INCENP: variants seen among roughly 807,000 people sequenced by gnomAD.
The protein encoded by INCENP is binds and activates aurora-B and -C in vivo and in vitro.
A neutral mutation model predicts 107.3 loss-of-function variants in INCENP; 43 were observed. That is an observed-to-expected ratio of 0.40 (90% CI 0.31 to 0.52). The LOEUF (loss-of-function observed/expected upper bound fraction) is 0.52. Ranked by LOEUF, INCENP falls within the 20% of genes least tolerant of loss-of-function variation. The pLI, the probability that INCENP is intolerant of heterozygous loss-of-function variation, is 0.53. For missense variants in INCENP, 1,089 were observed against 1,250.9 expected, an observed-to-expected ratio of 0.87 and a Z score of 1.95; for synonymous variants, 488 against 494.4, an observed-to-expected ratio of 0.99 and a Z score of 0.17.
At chr11:62,124,697 G>A (rs912318813) in intron 1 of INCENP, among the ~76,000 whole-genome samples, 2 of 152,212 alleles carry the variant, frequency 1.3e-5, no homozygotes, top group Non-Finnish European at 2.9e-5. Flanking sequence ...CTGGGCACCT[G>A]CCTTTCAGAA....
rs1943843194 is a variant in INCENP at position 62,129,915 on chromosome 11, G to A, written c.388G>A (p.Ala130Thr). 3.7e-6 allele frequency: 6 copies of A among 1,613,194 alleles called. No individual in the cohort carries two copies. Among genetic ancestry groups the A allele is most frequent in the Non-Finnish European group, 5.1e-6 (6 of 1,179,994 alleles). ...VLRRVTRAAA[A>T]AAAATMALAA... Reference sequence around the variant, plus strand: ...GCGGCGTGTGACCCGTGCTGCGGCTGCAGCTGCCGCGGCTACCATGGCATT... The same window carrying A: ...GCGGCGTGTGACCCGTGCTGCGGCTACAGCTGCCGCGGCTACCATGGCATT... Residue 130 changes from alanine (A) to threonine (T), a missense_variant, in exon 4 of 19, where the codon GCA becomes ACA. Coordinates refer to ENST00000394818, the MANE Select transcript of INCENP (RefSeq NM_001040694.2).
At chr11:62,150,692 C>G (rs1944354707) in intron 18 of INCENP, among the ~76,000 whole-genome samples, 1 of 152,206 alleles carries the variant, frequency 6.6e-6, no homozygotes, top group Admixed American at 6.5e-5. Flanking sequence ...TGAGCAGGAT[C>G]TGACCTGGAG....
chr11:62,137,920 C>T, intron 5 of INCENP, 37 bp downstream of exon 5: 1 of 1,577,020 alleles, frequency 6.3e-7, no homozygotes, highest in South Asian at 1.1e-5. Context: ...GTAGGCAGGG[C>T]ATACCAGGAC....
chr11:62,133,376 G>A (rs1012513939), intron 4 of INCENP, among the ~76,000 whole-genome samples: 5 of 152,198 alleles, frequency 3.3e-5, no homozygotes, highest in African/African-American at 1.2e-4. Context: ...GTGTGGCCCC[G>A]GGGCGTGGAA....
rs769445442 is a variant in INCENP at position 62,129,782 on chromosome 11, G to T, written c.255G>T (p.Arg85Ser). ...QDENRDPIRR[R>S]LSRRKSRSSQ... ...GCCTCTGCCCTGCTGCCCCTGCCAG[G>T]TTATCCCGCAGAAAGTCTCGGAGCA... Residue 85 changes from arginine to serine, a missense_variant and splice_region_variant, in exon 4 of 19, where the codon AGG becomes AGT. Physicochemically the swap from Arg to Ser is moderately radical, Grantham distance 110. Coordinates refer to ENST00000394818, the MANE Select transcript of INCENP (RefSeq NM_001040694.2). 19 of 1,601,872 alleles carry T rather than the reference G, an allele frequency of 1.2e-5. No homozygotes were observed. In the Admixed American group the frequency reaches 3.0e-4, roughly 25 times the overall value.
intron 7 of INCENP, 105 bp from the exon 8 acceptor site, chr11:62,140,129 C>A: frequency 2.1e-6 from 2 of 934,418 alleles, no homozygotes; most frequent in Non-Finnish European, 3.5e-6. Flanking sequence ...GGAGCCTTGC[C>A]CACTGCCAAG....
chr11:62,133,007 C>T (rs910826812), intron 4 of INCENP, among the ~76,000 whole-genome samples: 1 of 152,066 alleles, frequency 6.6e-6, no homozygotes, highest in South Asian at 2.1e-4. Flanking sequence ...GAAAACTCAC[C>T]AATGGCTGAT....
intron 4 of INCENP, 51 bp downstream of exon 4, chr11:62,130,641 A>T (rs758967234): frequency 6.6e-7 from 1 of 1,512,096 alleles, no homozygotes; most frequent in African/African-American, 1.4e-5. Flanking sequence ...CCAGGCTCAG[A>T]TGGAGGCTTT....
chr11:62,138,023 C>T (rs1944028878), intron 5 of INCENP, 140 bp downstream of exon 5: 1 of 752,930 alleles, frequency 1.3e-6, no homozygotes, highest in Non-Finnish European at 2.3e-6. Flanking sequence ...CCCGTTTTCC[C>T]TGTCTGACCA....
intron 1 of INCENP, among the ~76,000 whole-genome samples, chr11:62,125,658 T>C (rs1443795720): frequency 1.3e-5 from 2 of 152,228 alleles, no homozygotes; most frequent in Non-Finnish European, 2.9e-5. Flanking sequence ...CCTGTGCAGA[T>C]TAAGTTTATT....
At chr11:62,137,707 G>T (rs950768612) in intron 4 of INCENP, 125 bp from the exon 5 acceptor site, 24 of 809,122 alleles carry the variant, frequency 3.0e-5, no homozygotes, top group Non-Finnish European at 5.2e-5. Context: ...GGCATGGTGG[G>T]GGCTCCACGG....
intron 3 of INCENP, 38 bp downstream of exon 3, chr11:62,128,921 C>A: frequency 7.4e-7 from 1 of 1,350,008 alleles, no homozygotes; most frequent in Non-Finnish European, 1.1e-6. Context: ...GAGCAGTGGG[C>A]TCTGCGGAGG....
Position 62,127,946 on chromosome 11 carries a change from G to C in INCENP, c.-11-205G>C, listed in dbSNP as rs561790743. Among the ~76,000 whole-genome samples the C allele has an allele frequency of 2.7e-5, 4 of 146,720 alleles. No homozygotes were observed. The East Asian group carries it at 6.6e-4, about 24-fold the overall frequency. ...AGGTATTTGAAGAGTGTGAGTAGAA[G>C]GGCTTCTCTTTGTAGAGATGAGGCT... On this transcript the variant is annotated intron_variant, in intron 1 of 18. Transcript: ENST00000394818.
In INCENP at chr11:62,130,064, T is replaced by G. The variant is rs937590975; in HGVS notation, c.537T>G (p.Ala179=). 1 of 1,613,768 alleles carries G rather than the reference T, an allele frequency of 6.2e-7. No individual in the cohort carries two copies. The highest frequency in any genetic ancestry group is 2.2e-5 in the East Asian group (1 of 44,870). ...TCGGCATCAGTGAGCGCCAGAATGC[T>G]GAGCAGCATGTCACCCAGCTCATGT... ...VEIGISERQN[A]EQHVTQLMST... Residue 179 remains alanine (A), a synonymous_variant, in exon 4 of 19, where the codon GCT becomes GCG. Coordinates refer to ENST00000394818, the MANE Select transcript of INCENP (RefSeq NM_001040694.2).
At chr11:62,132,703 C>G (rs1321494729) in intron 4 of INCENP, among the ~76,000 whole-genome samples, 1 of 152,174 alleles carries the variant, frequency 6.6e-6, no homozygotes, top group Non-Finnish European at 1.5e-5. Flanking sequence ...TCACTCTTCC[C>G]TCTCTGTCTA....
At chr11:62,150,420 GT>G (rs1944349556) in intron 18 of INCENP, among the ~76,000 whole-genome samples, 1 of 152,216 alleles carries the variant, frequency 6.6e-6, no homozygotes, top group Non-Finnish European at 1.5e-5. Context: ...GACCTATGAG[GT>G]TGGGTTCCTT....
chr11:62,141,458 G>T (rs770017911), intron 10 of INCENP, 42 bp from the exon 11 acceptor site: 3 of 1,613,838 alleles, frequency 1.9e-6, no homozygotes, highest in Non-Finnish European at 2.5e-6. Flanking sequence ...ATGCTCCCCG[G>T]CCTGGCATTA....
chr11:62,127,427 A>T (rs1043542447), intron 1 of INCENP, among the ~76,000 whole-genome samples: 1 of 152,228 alleles, frequency 6.6e-6, no homozygotes, highest in African/African-American at 2.4e-5. Context: ...CAATGCTTGT[A>T]GGCAAGTTTT....
intron 17 of INCENP, 51 bp downstream of exon 17, chr11:62,148,897 ATTCTC>A (rs1944314991): frequency 8.3e-7 from 1 of 1,205,704 alleles, no homozygotes; most frequent in African/African-American, 1.5e-5. Context: ...GGCCCACTCT[ATTCTC>A]TTCCCAGTAG....
Sources: allele counts gnomAD v4.1 joint callset (sites outside exome capture counted in the v4.1 genomes callset), GRCh38; gene constraint gnomAD v4.1.1; transcripts MANE v1.5; gene names NCBI Gene and HGNC (gene_info 2026-07-23, HGNC 2026-07-21).